CDH18: variants seen among roughly 807,000 people sequenced by gnomAD.
CDH18 encodes cadherin-18.
CDH18 carries 31 observed loss-of-function variants against 67.9 expected under a neutral mutation model. That is an observed-to-expected ratio of 0.46 (90% CI 0.34 to 0.62). The LOEUF (loss-of-function observed/expected upper bound fraction) is 0.62. Among genes scored for constraint, CDH18 ranks in the 20% least tolerant of loss-of-function variants. The probability of loss-of-function intolerance (pLI) is 0.01; values close to 1 mark genes in which losing one functional copy is unlikely to be tolerated. For synonymous variants in CDH18, 362 were observed against 347.2 expected (o/e 1.04, Z -0.48); for missense variants, 890 against 975.5 (o/e 0.91, Z 1.17).
At chr5:19,920,168 A>G (rs375188758) in intron 2 of CDH18, among the ~76,000 whole-genome samples, 4 of 152,308 alleles carry the variant, frequency 2.6e-5, no homozygotes, top group South Asian at 4.1e-4. Context: ...AAATCTTGCT[A>G]TCTTTGAAAT....
In CDH18 at chr5:20,264,867, G is replaced by A. The variant is rs937166588; in HGVS notation, c.-579-9362C>T. On this transcript the variant is annotated intron_variant, in intron 1 of 14. Transcript: ENST00000507958. ...GAAAGTGAGCTAAGATATTCATCAA[G>A]CACAGTCTAAATTCTCCATTTTACT... is the stretch of plus-strand genomic sequence containing the variant. Among the ~76,000 whole-genome samples the A allele has an allele frequency of 2.6e-5, 4 of 152,040 alleles. No homozygotes were observed. In the South Asian group the frequency reaches 8.3e-4, roughly 32 times the overall value.
chr5:19,532,453 A>G (rs937818018), intron 9 of CDH18, among the ~76,000 whole-genome samples: 1 of 152,152 alleles, frequency 6.6e-6, no homozygotes, highest in Non-Finnish European at 1.5e-5. Flanking sequence ...AACAGAAGAC[A>G]TTCCTTATCT....
At chr5:19,574,676 G>C (rs755279101) in intron 7 of CDH18, among the ~76,000 whole-genome samples, 1 of 151,902 alleles carries the variant, frequency 6.6e-6, no homozygotes, top group East Asian at 1.9e-4. Context: ...AACTACTCAA[G>C]TACCCATCTT....
intron 5 of CDH18, among the ~76,000 whole-genome samples, chr5:19,719,851 AAG>A (rs1310856016): frequency 6.6e-6 from 1 of 151,636 alleles, no homozygotes. Context: ...AGGTAAAAGA[AAG>A]AGAGAAAGAA....
chr5:20,007,984 A>G (rs968500305), intron 2 of CDH18, among the ~76,000 whole-genome samples: 1 of 152,076 alleles, frequency 6.6e-6, no homozygotes, highest in Non-Finnish European at 1.5e-5. Context: ...AACATTTACT[A>G]TCTGGCTCTT....
chr5:20,034,118 G>A (rs866043641), intron 2 of CDH18, among the ~76,000 whole-genome samples: 82 of 152,118 alleles, frequency 5.4e-4, no homozygotes, highest in Admixed American at 3.2e-3. Flanking sequence ...TATGGTGTGT[G>A]TGGGGGGAAA....
intron 1 of CDH18, among the ~76,000 whole-genome samples, chr5:20,266,449 G>C (rs1227908454): frequency 6.6e-6 from 1 of 152,076 alleles, no homozygotes; most frequent in Non-Finnish European, 1.5e-5. Flanking sequence ...CATCGCCCAG[G>C]CTGGAGTACA....
chr5:20,157,570 T>A (rs1395109376), intron 2 of CDH18, among the ~76,000 whole-genome samples: 1 of 152,118 alleles, frequency 6.6e-6, no homozygotes, highest in Non-Finnish European at 1.5e-5. Flanking sequence ...ATAATTACAT[T>A]TTTAAGTGTA....
intron 1 of CDH18, among the ~76,000 whole-genome samples, chr5:20,560,533 T>G (rs1176476995): frequency 7.3e-6 from 1 of 137,570 alleles, no homozygotes; most frequent in Non-Finnish European, 1.6e-5. Flanking sequence ...ACAAATCCAT[T>G]AAGACTCAAA....
intron 9 of CDH18, among the ~76,000 whole-genome samples, chr5:19,532,483 T>G (rs808821): frequency 0.51 from 77,677 of 152,008 alleles, 20,905 homozygotes; most frequent in African/African-American, 0.69. Context: ...GACAAGATAT[T>G]TGTATATGTG....
At chr5:19,866,759 C>T (rs1327930948) in intron 2 of CDH18, among the ~76,000 whole-genome samples, 2 of 152,078 alleles carry the variant, frequency 1.3e-5, no homozygotes, top group Admixed American at 6.6e-5. Flanking sequence ...AGTCATTCCA[C>T]TCAATAGGCA....
At chr5:19,965,680 T>C (rs1208834071) in intron 2 of CDH18, among the ~76,000 whole-genome samples, 1 of 152,176 alleles carries the variant, frequency 6.6e-6, no homozygotes, top group Non-Finnish European at 1.5e-5. Context: ...ACAGTTTCAC[T>C]GTCCTGAAGG....
chr5:20,362,322 ATAAAT>A (rs1277933454), intron 1 of CDH18, among the ~76,000 whole-genome samples: 1 of 152,134 alleles, frequency 6.6e-6, no homozygotes, highest in African/African-American at 2.4e-5. Flanking sequence ...ATTTTAGATG[ATAAAT>A]TAATAAGGAG....
At chr5:19,564,190 CT>C (rs1446889741) in intron 8 of CDH18, among the ~76,000 whole-genome samples, 1 of 152,142 alleles carries the variant, frequency 6.6e-6, no homozygotes, top group Non-Finnish European at 1.5e-5. Flanking sequence ...TGGTGATGTG[CT>C]GGGCTTGGAG....
chr5:19,981,179 C>T lies in CDH18; in HGVS notation c.-375-1G>A, dbSNP rs1357144845. 1 of 152,190 alleles carries T rather than the reference C, an allele frequency of 6.6e-6. No individual in the cohort carries two copies. The highest frequency in any genetic ancestry group is 1.5e-5 in the Non-Finnish European group (1 of 68,044). The allele number at this position is 152,190 out of a possible 1,614,324, so 9.4% of individuals were successfully genotyped here. The stretch of plus-strand genomic sequence containing the variant: ...CTGTTCTTGCTCCTCTTCAGTCTAT[C>T]TGCAACAGAGTGACAAGAGTTTCTT... On this transcript the variant is annotated splice_acceptor_variant, in intron 1 of 12. Transcript: ENST00000382275. LOFTEE classifies it low-confidence loss of function (5UTR_SPLICE).
At chr5:20,463,633 A>G (rs1441692443) in intron 1 of CDH18, among the ~76,000 whole-genome samples, 3 of 152,120 alleles carry the variant, frequency 2.0e-5, no homozygotes, top group Non-Finnish European at 4.4e-5. Context: ...CCATGATTCA[A>G]TTACCTCTAC....
intron 1 of CDH18, among the ~76,000 whole-genome samples, chr5:20,333,635 T>G (rs979046600): frequency 1.3e-5 from 2 of 151,838 alleles, no homozygotes; most frequent in Non-Finnish European, 1.5e-5. Context: ...ACAATTTCAT[T>G]CCTCAATTCA....
intron 4 of CDH18, 73 bp downstream of exon 4, chr5:19,746,869 T>C (rs1770068385): frequency 1.0e-5 from 12 of 1,183,654 alleles, no homozygotes; most frequent in African/African-American, 1.5e-5. Flanking sequence ...TAAGTAAAAA[T>C]TGGTATTCTA....
At chr5:20,570,154 T>C in intron 1 of CDH18, among the ~76,000 whole-genome samples, 1 of 152,226 alleles carries the variant, frequency 6.6e-6, no homozygotes, top group Admixed American at 6.5e-5. Context: ...TTACAGAGAG[T>C]CAACTCTAAT....
Sources: gnomAD v4.1 joint callset for allele counts (sites outside exome capture counted in the v4.1 genomes callset) on GRCh38, gnomAD v4.1.1 for gene constraint, MANE v1.5 for transcripts, NCBI Gene and HGNC (gene_info 2026-07-23, HGNC 2026-07-21) for gene names.